Variants in CABIN1 observed in about 807,000 individuals in gnomAD.
The protein encoded by CABIN1 is calcineurin-binding protein cabin-1.
CABIN1 carries 133 observed loss-of-function variants against 227.7 expected under a neutral mutation model. The observed-to-expected ratio is 0.58, with a 90% CI of 0.51 to 0.67. The LOEUF is 0.67. CABIN1 is among the 30% of genes least tolerant of loss of function. The pLI, the probability that CABIN1 is intolerant of heterozygous loss-of-function variation, is 0.00. For missense variants in CABIN1, 2,408 were observed against 2,852.5 expected (o/e 0.84, Z 3.55); for synonymous variants, 1,086 against 1,155.1 (o/e 0.94, Z 1.21).
Position 24,098,184 on chromosome 22 carries a change from C to G in CABIN1, c.4109C>G (p.Thr1370Arg), listed in dbSNP as rs761243312. The part of the protein sequence containing the change: ...VKCKKPHQQA[T>R]PDDRSQDSTA... ...TGTAAAAAACCCCACCAGCAGGCAA[C>G]GCCGGACGGTACAGTCCCTGTTCTC... Residue 1370 changes from threonine (T) to arginine (R), a missense_variant, in exon 26 of 37, where the codon ACG becomes AGG. Physicochemically the swap from Thr to Arg is moderately conservative, Grantham distance 71 (BLOSUM62 -1). Around this residue, in one of 3 missense-constraint regions of CABIN1, gnomAD observed 649 missense variants for 910.3 expected, o/e 0.71. Transcript: ENST00000263119. 2 of 1,614,134 alleles carry G rather than the reference C, an allele frequency of 1.2e-6. No individual in the cohort carries two copies. Among genetic ancestry groups the G allele is most frequent in the East Asian group, 4.5e-5 (2 of 44,870 alleles).
rs185544584 is a variant in CABIN1, at chr22:24,087,705, G to T, written c.3517G>T (p.Val1173Leu). The T allele has an allele frequency of 1.9e-5, 31 of 1,613,694 alleles. No individual in the cohort carries two copies. The Admixed American group carries it at 2.7e-4, about 14-fold the overall frequency. ...GAGAGGCGAGCTGCCCCCTGAGCTC[G>T]TGCAGCAGGTGAGGAGGGGGTGCTG... ...QWRGELPPEL[V>L]QQMEGRRDSM... Residue 1173 changes from valine (V) to leucine (L), a missense_variant, in exon 23 of 37, where the codon GTG (valine) becomes TTG (leucine). Transcript: ENST00000263119.
intron 29 of CABIN1, among the ~76,000 whole-genome samples, chr22:24,161,680 G>A (rs2148632299): frequency 6.6e-6 from 1 of 152,242 alleles, no homozygotes; most frequent in African/African-American, 2.4e-5. Flanking sequence ...CTTCTTTTCT[G>A]GCCCTGACTT....
At chr22:24,113,949 T>G (rs565541118) in intron 27 of CABIN1, among the ~76,000 whole-genome samples, 1 of 152,234 alleles carries the variant, frequency 6.6e-6, no homozygotes, top group Non-Finnish European at 1.5e-5. Context: ...CTCCTGAGGG[T>G]GCACACAGAG....
Position 24,167,077 on chromosome 22 carries a change from G to A in CABIN1, c.5446G>A (p.Ala1816Thr). The change falls in exon 32 of 37, where the codon GCC becomes ACC. Residue 1816 changes from alanine (A) to threonine (T), a missense_variant. Physicochemically the swap from Ala to Thr is moderately conservative, Grantham distance 58 (BLOSUM62 0). Transcript: ENST00000263119. ...GCAGCAGCCCACCCCGCTCACCCCA[G>A]CCCAGCCAGCCCCCGCCCCCGCCCC... ...ARQQPTPLTP[A>T]QPAPAPAPAT... The A allele has an allele frequency of 2.6e-6, 4 of 1,544,120 alleles. No individual in the cohort carries two copies. The highest frequency in any genetic ancestry group is 3.5e-6 in the Non-Finnish European group (4 of 1,144,650).
rs183948979 is a variant in CABIN1 at position 24,025,619 on chromosome 22, T to C, written c.-74-9825T>C. 3.3e-5 allele frequency among the ~76,000 whole-genome samples: 5 copies of C among 152,338 alleles called. No individual in the cohort carries two copies. The East Asian group carries it at 9.7e-4, about 29-fold the overall frequency. On this transcript the variant is annotated intron_variant, in intron 1 of 36. Transcript: ENST00000263119. ...ACCAAATATCAGCAGCCTCTGCTCA[T>C]CAAACGCTCTGCTGGTTGTTTTAAG... is the stretch of plus-strand genomic sequence containing the variant.
chr22:24,153,126 T>C (rs565755560), intron 29 of CABIN1, among the ~76,000 whole-genome samples: 1 of 152,130 alleles, frequency 6.6e-6, no homozygotes, highest in East Asian at 1.9e-4. Flanking sequence ...CCACCACCAC[T>C]GGGGTGGGGG....
intron 19 of CABIN1, among the ~76,000 whole-genome samples, chr22:24,078,723 T>C (rs1425758068): frequency 6.6e-6 from 1 of 152,202 alleles, no homozygotes; most frequent in Non-Finnish European, 1.5e-5. Context: ...CCCCCTTCTG[T>C]GTACCACACC....
rs776212113 is a variant in CABIN1 at position 24,056,203 on chromosome 22, G to T, written c.1105G>T (p.Gly369Trp). Residue 369 changes from glycine to tryptophan, a missense_variant, in exon 10 of 37, where the codon GGG becomes TGG. Gly to Trp is a radical substitution (Grantham distance 184). This residue lies in a region of CABIN1 where 1,045 missense variants were observed against 1,168.4 expected (regional missense o/e 0.89). Transcript: ENST00000263119. Reference sequence around the variant, plus strand: ...CATTCTTTGTGAAGGTGATATTTCTGGGGGAGATAAATCCAAGAAAGGGGT... The same window carrying T: ...CATTCTTTGTGAAGGTGATATTTCTTGGGGAGATAAATCCAAGAAAGGGGT... Reference protein sequence around the residue: ...ETGAPVGDISGGDKSKKGVKR... With the variant: ...ETGAPVGDISWGDKSKKGVKR... The T allele has an allele frequency of 6.2e-7, 1 of 1,613,720 alleles. No homozygotes were observed. The highest frequency in any genetic ancestry group is 2.2e-5 in the East Asian group (1 of 44,882).
intron 29 of CABIN1, among the ~76,000 whole-genome samples, chr22:24,157,439 C>T (rs548820778): frequency 3.2e-4 from 48 of 152,200 alleles, no homozygotes; most frequent in Non-Finnish European, 4.7e-4. Context: ...TGATGCTCAT[C>T]TTCCTTAGGG....
At chr22:24,063,209 T>G in intron 14 of CABIN1, 63 bp downstream of exon 14, 1 of 1,540,258 alleles carries the variant, frequency 6.5e-7, no homozygotes, top group Non-Finnish European at 9.0e-7. Context: ...GGGCAGAAAA[T>G]TGACCATGTT....
chr22:24,064,042 T>C lies in CABIN1; in HGVS notation c.1892T>C (p.Met631Thr), dbSNP rs753262736. 8.7e-6 allele frequency: 14 copies of C among 1,614,060 alleles called. No individual in the cohort carries two copies. Among genetic ancestry groups the C allele is most frequent in the Non-Finnish European group, 1.0e-5 (12 of 1,180,046 alleles). Residue 631 changes from methionine (M) to threonine (T), a missense_variant, in exon 15 of 37, where the codon ATG becomes ACG. By Grantham distance (81) the Met-to-Thr change is moderately conservative. This residue lies in a region of CABIN1 where 1,045 missense variants were observed against 1,168.4 expected (regional missense o/e 0.89). Coordinates refer to ENST00000263119, the MANE Select transcript of CABIN1 (RefSeq NM_012295.4). ...KARFLALQGD[M>T]EQALENYDIC... ...TGTTTTCCGTCTAACCAGGGAGACA[T>C]GGAGCAGGCCCTGGAGAACTATGAC...
intron 24 of CABIN1, among the ~76,000 whole-genome samples, chr22:24,092,991 G>A (rs185185549): frequency 1.7e-4 from 26 of 152,226 alleles, no homozygotes; most frequent in East Asian, 1.5e-3. Flanking sequence ...TTATCTGCAC[G>A]GACCCTTGAT....
chr22:24,129,113 G>A (rs964107796), intron 28 of CABIN1, among the ~76,000 whole-genome samples: 6 of 152,192 alleles, frequency 3.9e-5, no homozygotes, highest in Non-Finnish European at 7.3e-5. Context: ...CACATCTTGG[G>A]ACAGCAGGTG....
intron 7 of CABIN1, among the ~76,000 whole-genome samples, chr22:24,050,064 C>T (rs970824340): frequency 2.0e-5 from 3 of 152,172 alleles, no homozygotes; most frequent in African/African-American, 7.2e-5. Flanking sequence ...CCAGCCCAGC[C>T]AACTCCTTTT....
intron 5 of CABIN1, among the ~76,000 whole-genome samples, chr22:24,042,673 T>C (rs1474454120): frequency 1.3e-5 from 2 of 152,206 alleles, no homozygotes; most frequent in Non-Finnish European, 2.9e-5. Flanking sequence ...CTTGGAAACG[T>C]GCGACTCCAG....
intron 26 of CABIN1, chr22:24,102,477 G>C (rs1405705810): frequency 6.6e-6 from 1 of 152,300 alleles, no homozygotes; most frequent in African/African-American, 2.4e-5. Context: ...TTCCATCAGT[G>C]CTGTGCCAGG....
intron 29 of CABIN1, among the ~76,000 whole-genome samples, chr22:24,142,703 G>A (rs1361609346): frequency 1.3e-5 from 2 of 152,186 alleles, no homozygotes; most frequent in African/African-American, 4.8e-5. Flanking sequence ...AGAAGTGTTG[G>A]TCTCCACTCA....
chr22:24,064,466 C>G (rs566153188), intron 15 of CABIN1, among the ~76,000 whole-genome samples: 1 of 149,268 alleles, frequency 6.7e-6, no homozygotes, highest in African/African-American at 2.5e-5. Flanking sequence ...CTTGGCCTCT[C>G]GCAGTGCTGG....
chr22:24,175,091 G>A (rs901835972), intron 34 of CABIN1, among the ~76,000 whole-genome samples: 2 of 152,240 alleles, frequency 1.3e-5, no homozygotes, highest in South Asian at 4.1e-4. Context: ...CTTCAGCCTG[G>A]AGAGTTGATC....
Sources: gnomAD v4.1 joint callset for allele counts (sites outside exome capture counted in the v4.1 genomes callset) on GRCh38, gnomAD v4.1.1 for gene constraint, gnomAD v4.1.1 regional missense constraint, MANE v1.5 for transcripts, NCBI Gene and HGNC (gene_info 2026-07-23, HGNC 2026-07-21) for gene names.